The following USP25 variants were observed in gnomAD, a reference collection of about 807,000 sequenced individuals.
USP25 encodes ubiquitin specific peptidase 25.
USP25 carries 85 observed loss-of-function variants against 158.5 expected under a neutral mutation model. The ratio of observed to expected loss-of-function variants is 0.54; its 90% confidence interval spans 0.45 to 0.64. USP25 has a LOEUF of 0.64. USP25 is among the 30% of genes least tolerant of loss of function. The pLI is 0.00. For missense variants in USP25, 1,242 were observed against 1,327.3 expected, an observed-to-expected ratio of 0.94 and a Z score of 1.00; for synonymous variants, 464 against 460.4, an observed-to-expected ratio of 1.01 and a Z score of -0.10.
chr21:15,747,641 G>A (rs77286823), intron 1 of USP25, among the ~76,000 whole-genome samples: 11,542 of 152,024 alleles, frequency 0.076, 493 homozygotes, highest in East Asian at 0.092. Flanking sequence ...CAAAATATCC[G>A]ATAACTGAGA....
rs1176744315 is a variant in USP25, at chr21:15,842,475, A to G, written c.2272A>G (p.Ile758Val). The change falls in exon 18 of 26, where the codon ATT (isoleucine) becomes GTT (valine). Residue 758 changes from isoleucine to valine, a missense_variant. This residue lies in a region of USP25 where 608 missense variants were observed against 605.2 expected (regional missense o/e 1.00). Coordinates refer to ENST00000400183, the MANE Select transcript of USP25 (RefSeq NM_001283041.3). The part of the protein sequence containing the change: ...DFSKHLKEET[I>V]QIITKASHEH... ...CTCAAAGCACTTGAAAGAAGAAACT[A>G]TTCAAATAATTACCAAGGCATCACA... 2 of 1,613,732 alleles carry G rather than the reference A, an allele frequency of 1.2e-6. No homozygotes were observed. Among genetic ancestry groups the G allele is most frequent in the African/African-American group, 1.3e-5 (1 of 74,916 alleles).
At chr21:15,763,098 T>C in intron 2 of USP25, 130 bp downstream of exon 2, 1 of 774,994 alleles carries the variant, frequency 1.3e-6, no homozygotes, top group Non-Finnish European at 1.9e-6. Flanking sequence ...ATGGACTTTG[T>C]AAAGTAAAAT....
At chr21:15,734,724 A>G (rs2031317757) in intron 1 of USP25, among the ~76,000 whole-genome samples, 1 of 152,130 alleles carries the variant, frequency 6.6e-6, no homozygotes, top group African/African-American at 2.4e-5. Context: ...TCTATTATAT[A>G]TTGTTTCCTT....
At chr21:15,801,147 A>G (rs2036115013) in intron 6 of USP25, among the ~76,000 whole-genome samples, 1 of 151,586 alleles carries the variant, frequency 6.6e-6, no homozygotes, top group Admixed American at 6.6e-5. Context: ...TATCATTTCT[A>G]GTTAGGTATG....
chr21:15,845,741 G>A (rs1332895300), intron 18 of USP25, among the ~76,000 whole-genome samples: 1 of 152,018 alleles, frequency 6.6e-6, no homozygotes, highest in Non-Finnish European at 1.5e-5. Context: ...CACAAACTCC[G>A]AACAGATTTC....
At position 15,790,643 on chromosome 21, in the gene USP25, C is replaced by T. The variant is rs543698053; in HGVS notation, c.393-859C>T. ...TATGCTGATTTAGAATAATAAGTAACAAGTTTCTTTTTTTTTTTTTTTTTG... is the reference window on the plus strand; with the variant it reads ...TATGCTGATTTAGAATAATAAGTAATAAGTTTCTTTTTTTTTTTTTTTTTG... On this transcript the variant is annotated intron_variant, in intron 4 of 25. Transcript: ENST00000400183. Among the ~76,000 whole-genome samples, 127 of 143,768 alleles carry T rather than the reference C, an allele frequency of 8.8e-4. 1 individual carries two copies. Among genetic ancestry groups the T allele is most frequent in the Non-Finnish European group, 1.5e-3 (102 of 65,928 alleles). 94.3% of individuals were successfully genotyped at this position (143,768 alleles called of 152,430 possible).
At chr21:15,864,474 C>T in intron 21 of USP25, 28 bp downstream of exon 21, 4 of 1,546,816 alleles carry the variant, frequency 2.6e-6, no homozygotes, top group Non-Finnish European at 3.5e-6. Flanking sequence ...AATTCATATG[C>T]TCAAATCGTT....
At chr21:15,874,252 T>G in intron 23 of USP25, 151 bp from the exon 24 acceptor site, 1 of 547,004 alleles carries the variant, frequency 1.8e-6, no homozygotes. Context: ...AAAAAGGCGC[T>G]CTCAAGCATA....
intron 6 of USP25, among the ~76,000 whole-genome samples, chr21:15,803,010 G>T (rs1030489331): frequency 6.6e-6 from 1 of 151,594 alleles, no homozygotes; most frequent in Non-Finnish European, 1.5e-5. Flanking sequence ...GAGAATAGTG[G>T]AATATTATAA....
At chr21:15,833,308 A>C in intron 16 of USP25, 40 bp from the exon 17 acceptor site, 1 of 1,574,630 alleles carries the variant, frequency 6.4e-7, no homozygotes, top group Non-Finnish European at 8.6e-7. Context: ...TTTCCCTTTA[A>C]TTCTTAATTT....
intron 4 of USP25, among the ~76,000 whole-genome samples, chr21:15,781,780 A>C (rs1208612031): frequency 2.0e-5 from 3 of 152,164 alleles, no homozygotes; most frequent in South Asian, 4.1e-4. Context: ...AGGTGCCAGC[A>C]GTCACTGCTA....
At chr21:15,741,954 C>A (rs1293351465) in intron 1 of USP25, among the ~76,000 whole-genome samples, 14 of 152,206 alleles carry the variant, frequency 9.2e-5, no homozygotes, top group Middle Eastern at 3.4e-3. Context: ...CATGAGAAAT[C>A]TTTATGATAC....
intron 21 of USP25, among the ~76,000 whole-genome samples, chr21:15,865,716 C>CT (rs369043248): frequency 5.1e-4 from 78 of 152,242 alleles, no homozygotes; most frequent in African/African-American, 1.8e-3. Flanking sequence ...AGTTCTCTGA[C>CT]TATAACTAGT....
chr21:15,870,679 T>G (rs2039848714), intron 23 of USP25, among the ~76,000 whole-genome samples: 1 of 152,230 alleles, frequency 6.6e-6, no homozygotes, highest in Non-Finnish European at 1.5e-5. Context: ...TGCATGTATT[T>G]CTCCACATAT....
rs532969560 is a variant in USP25 at position 15,761,825 on chromosome 21, C to A, written c.46-1066C>A. Among the ~76,000 whole-genome samples, 7 of 152,274 alleles carry A rather than the reference C, an allele frequency of 4.6e-5. No homozygotes were observed. The East Asian group carries it at 1.4e-3, about 29-fold the overall frequency. ...CAAGTGTACTTTACTTCCTTTCATT[C>A]CTGCTCTAAAGCTTTTTAATAAACT... On this transcript the variant is annotated intron_variant, in intron 1 of 25. Coordinates refer to ENST00000400183, the MANE Select transcript of USP25 (RefSeq NM_001283041.3).
At chr21:15,799,723 C>T in intron 5 of USP25, 34 bp from the exon 6 acceptor site, 4 of 1,438,614 alleles carry the variant, frequency 2.8e-6, no homozygotes, top group African/African-American at 1.4e-5. Flanking sequence ...TGGAATTTTC[C>T]CTCAGGTTAT....
chr21:15,794,264 A>T (rs1032954565), intron 5 of USP25, among the ~76,000 whole-genome samples: 1 of 151,666 alleles, frequency 6.6e-6, no homozygotes, highest in African/African-American at 2.4e-5. Context: ...TGAGACCAAT[A>T]TTTTGGTAGA....
At chr21:15,782,246 A>AG (rs1441259852) in intron 4 of USP25, among the ~76,000 whole-genome samples, 1 of 152,204 alleles carries the variant, frequency 6.6e-6, no homozygotes, top group African/African-American at 2.4e-5. Context: ...AGTAGTATAC[A>AG]GCCAGTGGGC....
intron 5 of USP25, among the ~76,000 whole-genome samples, chr21:15,793,375 TAATC>T (rs2035694959): frequency 6.6e-6 from 1 of 151,590 alleles, no homozygotes; most frequent in African/African-American, 2.4e-5. Flanking sequence ...CAGCTCAGTT[TAATC>T]TTGATACAGT....
Sources: allele counts gnomAD v4.1 joint callset (sites outside exome capture counted in the v4.1 genomes callset), GRCh38; gene constraint gnomAD v4.1.1; regional missense constraint gnomAD v4.1.1; transcripts MANE v1.5; gene names NCBI Gene and HGNC (gene_info 2026-07-23, HGNC 2026-07-21).